TGIF1: variants seen among roughly 807,000 people sequenced by gnomAD.
TGIF1 encodes the protein homeobox protein TGIF1.
TGIF1 carries 4 observed loss-of-function variants against 19.3 expected under a neutral mutation model. The ratio of observed to expected loss-of-function variants is 0.21; its 90% CI spans 0.10 to 0.47. The LOEUF (loss-of-function observed/expected upper bound fraction) is 0.47, where lower values mean the gene tolerates loss of function less well. Among genes scored for constraint, TGIF1 ranks in the 20% least tolerant of loss-of-function variants. TGIF1 has a pLI of 0.98. For synonymous variants in TGIF1, 122 were observed against 129.3 expected (o/e 0.94, Z 0.38); for missense variants, 275 against 341.4 (o/e 0.81, Z 1.53).
chr18:3,454,386 A>T (rs949468646), intron 1 of TGIF1, among the ~76,000 whole-genome samples: 1 of 152,194 alleles, frequency 6.6e-6, no homozygotes, highest in Non-Finnish European at 1.5e-5. Flanking sequence ...TAGATTAAAA[A>T]AAGGAAGGAG....
At chr18:3,420,988 T>C (rs1424256018) in intron 2 of TGIF1, among the ~76,000 whole-genome samples, 2 of 152,176 alleles carry the variant, frequency 1.3e-5, no homozygotes, top group Non-Finnish European at 2.9e-5. Flanking sequence ...TATACAGTCA[T>C]GTACCTCATA....
At position 3,457,837 on chromosome 18, in the gene TGIF1, C is replaced by G; in HGVS notation, c.716C>G (p.Thr239Ser). Residue 239 changes from threonine (T) to serine (S), a missense_variant, in exon 3 of 3, where the codon ACT becomes AGT. Thr to Ser is a moderately conservative substitution (Grantham distance 58, BLOSUM62 1). Transcript: ENST00000343820. This position sits in a 1 kb window ranked among gnomAD's most constrained non-coding sequence, Gnocchi z 4.9. ...QSGLFNTPPP[T>S]PPDLNQDFSG... ...GGTCTTTTCAACACTCCTCCCCCTA[C>G]TCCACCGGACCTCAACCAGGACTTC... 6.2e-7 allele frequency: 1 copy of G among 1,611,528 alleles called. No individual in the cohort carries two copies. Among genetic ancestry groups the G allele is most frequent in the Non-Finnish European group, 8.5e-7 (1 of 1,180,024 alleles).
Position 3,456,689 on chromosome 18 carries a change from G to T in TGIF1, c.243+109G>T, listed in dbSNP as rs1309662514. The T allele has an allele frequency of 1.0e-6, 1 of 983,308 alleles. No individual in the cohort carries two copies. The highest frequency in any genetic ancestry group is 1.6e-5 in the African/African-American group (1 of 62,748). The allele number at this position is 983,308 out of a possible 1,614,324, so 60.9% of individuals were successfully genotyped here. A position where few individuals can be genotyped will look rare whatever the true frequency, so the allele number is the denominator to read the frequency against. On this transcript the variant is annotated intron_variant, in intron 2 of 2. Coordinates refer to ENST00000343820, the MANE Select transcript of TGIF1 (RefSeq NM_003244.4). The surrounding 1 kb of genome is among the most constrained non-coding windows in gnomAD (Gnocchi z 4.2). ...GCTCCTTGCCACTCAAAGACAGAAG[G>T]AATATCTTTTTATTGTAAACTTGAT...
chr18:3,450,385 T>C lies in TGIF1; in HGVS notation c.-105T>C. On this transcript the variant is annotated 5_prime_UTR_variant, in exon 1 of 3. Coordinates refer to ENST00000343820, the MANE Select transcript of TGIF1 (RefSeq NM_003244.4). ...AACGGCTGGAGCACGTCCTACAAGT[T>C]ACGGGAGAGTCGGCTGTGAAGGAGA... The C allele has an allele frequency of 6.5e-7, 1 of 1,543,408 alleles. No homozygotes were observed. The highest frequency in any genetic ancestry group is 1.2e-5 in the South Asian group (1 of 83,222).
intron 2 of TGIF1, among the ~76,000 whole-genome samples, chr18:3,429,091 C>G (rs1183410639): frequency 1.3e-5 from 2 of 152,088 alleles, no homozygotes; most frequent in Non-Finnish European, 2.9e-5. Flanking sequence ...GGGCCTTGCT[C>G]TGTTGCCCAG....
chr18:3,414,103 A>G (rs549350400), intron 1 of TGIF1, among the ~76,000 whole-genome samples: 7 of 152,240 alleles, frequency 4.6e-5, no homozygotes, highest in Non-Finnish European at 8.8e-5. Flanking sequence ...CAATCGTATC[A>G]TTTATACAAA....
intron 2 of TGIF1, among the ~76,000 whole-genome samples, chr18:3,426,369 G>C (rs1416485659): frequency 6.6e-6 from 1 of 151,880 alleles, no homozygotes; most frequent in African/African-American, 2.4e-5. Flanking sequence ...GGGTTTCACT[G>C]TGTTGTCTAG....
At chr18:3,422,417 A>G (rs2082412325) in intron 2 of TGIF1, among the ~76,000 whole-genome samples, 1 of 151,538 alleles carries the variant, frequency 6.6e-6, no homozygotes. Flanking sequence ...GTGTTGTGAC[A>G]AAGTCAAAAA....
intron 2 of TGIF1, among the ~76,000 whole-genome samples, chr18:3,429,375 C>T (rs552855145): frequency 2.6e-5 from 4 of 151,914 alleles, no homozygotes; most frequent in Non-Finnish European, 4.4e-5. Flanking sequence ...AAGGTGAAAC[C>T]GGAAAGGCAA....
upstream of TGIF1, among the ~76,000 whole-genome samples, chr18:3,446,628 A>T (rs2082751131): frequency 6.6e-6 from 1 of 152,192 alleles, no homozygotes; most frequent in Non-Finnish European, 1.5e-5. Flanking sequence ...CACCAGTTAC[A>T]CTATTCATGC....
intron 2 of TGIF1, among the ~76,000 whole-genome samples, chr18:3,432,204 C>A (rs1293390805): frequency 6.7e-6 from 1 of 150,104 alleles, no homozygotes; most frequent in Admixed American, 6.6e-5. Context: ...CCAAAATGCA[C>A]AGCCTCAATC....
At chr18:3,452,121 G>A in intron 1 of TGIF1, 1 of 1,613,806 alleles carries the variant, frequency 6.2e-7, no homozygotes, top group Non-Finnish European at 8.5e-7. Flanking sequence ...GGCTTTTCTG[G>A]CGTCCCCCCG....
intron 2 of TGIF1, among the ~76,000 whole-genome samples, chr18:3,445,070 C>T (rs564254656): frequency 6.6e-6 from 1 of 152,244 alleles, no homozygotes; most frequent in East Asian, 1.9e-4. Context: ...CACAGGACAG[C>T]CCCACAAGAA....
chr18:3,452,157 C>T (rs758465805), intron 1 of TGIF1: 2 of 1,613,892 alleles, frequency 1.2e-6, no homozygotes, highest in Non-Finnish European at 1.7e-6. Flanking sequence ...TTTGGCCTAC[C>T]TTCCCCCAGC....
At chr18:3,426,587 T>C (rs1010019893) in intron 2 of TGIF1, among the ~76,000 whole-genome samples, 1 of 152,168 alleles carries the variant, frequency 6.6e-6, no homozygotes, top group Middle Eastern at 3.2e-3. Context: ...TCTTCCATAT[T>C]TGTATTTTGT....
chr18:3,449,959 A>G, upstream of TGIF1: 4 of 986,944 alleles, frequency 4.1e-6, no homozygotes, highest in Non-Finnish European at 4.8e-6. Context: ...CGTGCGCGGC[A>G]GGCGGAAAGG....
chr18:3,451,968 T>C lies in TGIF1; in HGVS notation c.16+1463T>C. 2 of 1,571,058 alleles carry C rather than the reference T, an allele frequency of 1.3e-6. No homozygotes were observed. The highest frequency in any genetic ancestry group is 4.5e-5 in the East Asian group (2 of 44,482). Reference sequence around the variant, plus strand: ...CCTCCCGGGAATAAGTGAGGGGCTCTGTGTTTCGAGGATGGTTCTAGCGCA... The same window carrying C: ...CCTCCCGGGAATAAGTGAGGGGCTCCGTGTTTCGAGGATGGTTCTAGCGCA... On this transcript the variant is annotated intron_variant, in intron 1 of 2. Transcript: ENST00000343820. The surrounding 1 kb of genome is among the most constrained non-coding windows in gnomAD (Gnocchi z 5.4).
rs748076999 is a variant in TGIF1 at position 3,450,482 on chromosome 18, G to T, written c.-8G>T. 7 of 1,560,390 alleles carry T rather than the reference G, an allele frequency of 4.5e-6. No homozygotes were observed. Among genetic ancestry groups the T allele is most frequent in the Non-Finnish European group, 6.1e-6 (7 of 1,152,392 alleles). ...CGCCTTGCCTCGCGCTGGGAGGGGAGATCCAGAATGAAAGGCAAGAAAGGT... is the reference window on the plus strand; with the variant it reads ...CGCCTTGCCTCGCGCTGGGAGGGGATATCCAGAATGAAAGGCAAGAAAGGT... On this transcript the variant is annotated 5_prime_UTR_variant, in exon 1 of 3. Transcript: ENST00000343820.
In TGIF1 at chr18:3,458,381, T is replaced by C. The variant is rs188912525; in HGVS notation, c.*441T>C. The C allele has an allele frequency of 5.9e-6, 1 of 169,930 alleles. No homozygotes were observed. The highest frequency in any genetic ancestry group is 1.8e-4 in the East Asian group (1 of 5,664). 10.5% of individuals were successfully genotyped at this position (169,930 alleles called of 1,614,324 possible). A position where few individuals can be genotyped will look rare whatever the true frequency, so the allele number is the denominator to read the frequency against. On this transcript the variant is annotated 3_prime_UTR_variant, in exon 3 of 3. Transcript: ENST00000343820. The stretch of plus-strand genomic sequence containing the variant: ...ATCTAGTTGGTTGATGCCTTTTTTT[T>C]CATGACATAATAAAGTATTTTCTTT...
Sources: gnomAD v4.1 joint callset for allele counts (sites outside exome capture counted in the v4.1 genomes callset) on GRCh38, gnomAD v4.1.1 for gene constraint, Gnocchi (gnomAD v3.1) non-coding constraint, MANE v1.5 for transcripts, NCBI Gene and HGNC (gene_info 2026-07-23, HGNC 2026-07-21) for gene names.